BBS4: variants seen among roughly 807,000 people sequenced by gnomAD.
BBS4 encodes Bardet-Biedl syndrome 4.
In BBS4, 58 loss-of-function variants were observed where a neutral mutation model predicts 71.4. The observed-to-expected ratio is 0.81, with a 90% confidence interval of 0.66 to 1.01. BBS4 has a LOEUF of 1.01. BBS4 is among the 50% of genes least tolerant of loss of function. The probability of loss-of-function intolerance (pLI) is 0.00; values close to 1 mark genes in which losing one functional copy is unlikely to be tolerated. For missense variants in BBS4, 660 were observed against 607.9 expected (o/e 1.09, Z -0.90); for synonymous variants, 228 against 216.8 (o/e 1.05, Z -0.46).
chr15:72,721,649 C>T (rs2065579917), intron 6 of BBS4, among the ~76,000 whole-genome samples: 1 of 152,142 alleles, frequency 6.6e-6, no homozygotes, highest in South Asian at 2.1e-4. Flanking sequence ...AGTAGGTGCT[C>T]AACCAATGGT....
In BBS4 at chr15:72,715,362, C is replaced by T; in HGVS notation, c.292C>T (p.Pro98Ser). 2 of 1,614,056 alleles carry T rather than the reference C, an allele frequency of 1.2e-6. No individual in the cohort carries two copies. The highest frequency in any genetic ancestry group is 1.7e-6 in the Non-Finnish European group (2 of 1,179,938). ...CTTCCAGACATGTGCAGTTCTTAGT[C>T]CTCAGAGTGCTGATAACCTCAAGCA... ...ELFQTCAVLS[P>S]QSADNLKQVA... Residue 98 changes from proline (P) to serine (S), a missense_variant, in exon 5 of 16, where the codon CCT becomes TCT. By Grantham distance (74) the Pro-to-Ser change is moderately conservative (BLOSUM62 -1). Transcript: ENST00000268057.
intron 1 of BBS4, among the ~76,000 whole-genome samples, chr15:72,692,954 T>A (rs544055948): frequency 1.4e-4 from 22 of 152,220 alleles, no homozygotes; most frequent in South Asian, 1.0e-3. Flanking sequence ...TTCTTTTTTT[T>A]AAAAAAACTG....
chr15:72,711,820 G>A (rs1054402375), intron 3 of BBS4, among the ~76,000 whole-genome samples: 4 of 151,900 alleles, frequency 2.6e-5, no homozygotes, highest in Non-Finnish European at 4.4e-5. Context: ...TAATACTCTA[G>A]GTTTTTTTAC....
At chr15:72,697,966 C>T (rs886795131) in intron 2 of BBS4, 29 of 455,792 alleles carry the variant, frequency 6.4e-5, no homozygotes, top group Non-Finnish European at 1.2e-4. Flanking sequence ...AAGTCCTCTT[C>T]CTTTTGCCCC....
chr15:72,697,996 C>T, intron 2 of BBS4: 1 of 455,934 alleles, frequency 2.2e-6, no homozygotes, highest in Non-Finnish European at 4.4e-6. Context: ...CCTTAGGTGA[C>T]TTTCTTCTGG....
chr15:72,697,985 A>G (rs1456334502), intron 2 of BBS4: 1 of 455,936 alleles, frequency 2.2e-6, no homozygotes, highest in Non-Finnish European at 4.4e-6. Flanking sequence ...CCATGATGTA[A>G]CCTTAGGTGA....
chr15:72,726,580 C>T (rs2065707130), intron 8 of BBS4, among the ~76,000 whole-genome samples: 1 of 152,112 alleles, frequency 6.6e-6, no homozygotes, highest in African/African-American at 2.4e-5. Flanking sequence ...TGTCTTCTAC[C>T]ATGGTAGTAA....
At position 72,737,175 on chromosome 15, in the gene BBS4, G is replaced by A. The variant is rs1473411390; in HGVS notation, c.1450+212G>A. The A allele has an allele frequency of 6.1e-6, 4 of 651,592 alleles. No homozygotes were observed. The African/African-American group carries it at 7.2e-5, about 12-fold the overall frequency. 40.4% of individuals were successfully genotyped at this position (651,592 alleles called of 1,614,324 possible). A position where few individuals can be genotyped will look rare whatever the true frequency, so the allele number is the denominator to read the frequency against. On this transcript the variant is annotated intron_variant, in intron 15 of 15. Transcript: ENST00000268057. ...TAGGTAACAGCTACTCACAGACTTA[G>A]TTGGATGGTCTATACACTGGTCTTT...
intron 1 of BBS4, chr15:72,686,477 T>TAGA (rs748261953): frequency 6.5e-7 from 1 of 1,528,698 alleles, no homozygotes; most frequent in South Asian, 1.2e-5. Context: ...TAGTCCCTCT[T>TAGA]GGGGTGCGCT....
In BBS4 at chr15:72,709,775, G is replaced by A. The variant is rs1008706809; in HGVS notation, c.152G>A (p.Cys51Tyr). 1.2e-6 allele frequency: 2 copies of A among 1,612,686 alleles called. No homozygotes were observed. The highest frequency in any genetic ancestry group is 3.3e-5 in the Admixed American group (2 of 60,018). The change falls in exon 3 of 16, where the codon TGC becomes TAC. Residue 51 changes from cysteine (C) to tyrosine (Y), a missense_variant. By Grantham distance (194) the Cys-to-Tyr change is radical. Transcript: ENST00000268057. ...LHYIRKDYEA[C>Y]KAVIKEQLQE... ...TATATCCGGAAAGATTATGAAGCCT[G>A]CAAGGTAAGAGATTGCCATAATAAT...
intron 4 of BBS4, among the ~76,000 whole-genome samples, chr15:72,713,291 TG>T (rs2065407661): frequency 6.6e-6 from 1 of 151,070 alleles, no homozygotes; most frequent in Admixed American, 6.6e-5. Context: ...TTCAGAGCTT[TG>T]TGACCCATCT....
intron 2 of BBS4, among the ~76,000 whole-genome samples, chr15:72,699,253 A>AT (rs1447949960): frequency 6.6e-6 from 1 of 151,680 alleles, no homozygotes; most frequent in Non-Finnish European, 1.5e-5. Context: ...TGCCTGGCTA[A>AT]TTTTTTGTCT....
intron 1 of BBS4, among the ~76,000 whole-genome samples, chr15:72,694,265 A>G (rs2150996078): frequency 6.8e-6 from 1 of 147,248 alleles, no homozygotes; most frequent in East Asian, 2.0e-4. Context: ...ATCTTGGCTC[A>G]TTGCAACCTC....
intron 8 of BBS4, among the ~76,000 whole-genome samples, chr15:72,725,462 G>GGC (rs1243491460): frequency 1.3e-5 from 2 of 152,026 alleles, no homozygotes; most frequent in East Asian, 3.9e-4. Context: ...AAGGGAAGTG[G>GGC]GCAGACATGC....
chr15:72,698,429 A>G (rs1167205215), intron 2 of BBS4, among the ~76,000 whole-genome samples: 2 of 151,726 alleles, frequency 1.3e-5, no homozygotes, highest in African/African-American at 2.4e-5. Flanking sequence ...TCTCCATTCT[A>G]TTTTCTGTAT....
chr15:72,688,411 C>CTTTTTTTTTTTTTTTTTTTTTTTTTT lies in BBS4; in HGVS notation c.24+2180_24+2181insTTTTTTTTTTTTTTTTTTTTTTTTTT, dbSNP rs58644289. Among the ~76,000 whole-genome samples, 65 of 83,052 alleles carry CTTTTTTTTTTTTTTTTTTTTTTTTTT rather than the reference C, an allele frequency of 7.8e-4. 8 individuals carry two copies. Among genetic ancestry groups the CTTTTTTTTTTTTTTTTTTTTTTTTTT allele is most frequent in the Middle Eastern group, 0.013 (1 of 80 alleles). 54.5% of individuals were successfully genotyped at this position (83,052 alleles called of 152,430 possible). Reference sequence around the variant, plus strand: ...GTCCTTTTAGGAAGTGGTATTTTATCTTTTTTTTTTTTTTTTTTTTGAGAC... The same window carrying CTTTTTTTTTTTTTTTTTTTTTTTTTT: ...GTCCTTTTAGGAAGTGGTATTTTATCTTTTTTTTTTTTTTTTTTTTTTTTTTTTTTTTTTTTTTTTTTTTTTGAGAC... On this transcript the variant is annotated intron_variant, in intron 1 of 15. Coordinates refer to ENST00000268057, the MANE Select transcript of BBS4 (RefSeq NM_033028.5).
At chr15:72,691,958 C>CAAA (rs33994964) in intron 1 of BBS4, among the ~76,000 whole-genome samples, 2 of 102,400 alleles carry the variant, frequency 2.0e-5, no homozygotes, top group Admixed American at 9.7e-5. Context: ...GACTTCGTCT[C>CAAA]AAAAAAAAAA....
intron 12 of BBS4, among the ~76,000 whole-genome samples, chr15:72,733,158 G>A (rs1018782023): frequency 6.6e-6 from 1 of 152,156 alleles, no homozygotes. Context: ...CAAAACATCA[G>A]AATAAAAAGG....
rs562649089 is a variant in BBS4 at position 72,687,982 on chromosome 15, T to A, written c.24+1731T>A. Among the ~76,000 whole-genome samples the A allele has an allele frequency of 9.0e-4, 117 of 130,502 alleles. 2 individuals carry two copies. In the South Asian group the frequency reaches 0.027, roughly 30 times the overall value. The allele number at this position is 130,502 out of a possible 152,430, so 85.6% of individuals were successfully genotyped here. A position where few individuals can be genotyped will look rare whatever the true frequency, so the allele number is the denominator to read the frequency against. ...ATGGTTAATGTTACTGGGTTTTAAATATTAAAAACATAGGAAAGAAAATAC... is the reference window on the plus strand; with the variant it reads ...ATGGTTAATGTTACTGGGTTTTAAAAATTAAAAACATAGGAAAGAAAATAC... On this transcript the variant is annotated intron_variant, in intron 1 of 15. Transcript: ENST00000268057.
Sources: gnomAD v4.1 joint callset for allele counts (sites outside exome capture counted in the v4.1 genomes callset) on GRCh38, gnomAD v4.1.1 for gene constraint, MANE v1.5 for transcripts, NCBI Gene and HGNC (gene_info 2026-07-23, HGNC 2026-07-21) for gene names.